The following GALNT2 variants were observed in gnomAD, a reference collection of about 807,000 sequenced individuals.
GALNT2 encodes the protein polypeptide N-acetylgalactosaminyltransferase 2.
Under a neutral mutation model 81.4 loss-of-function variants are expected in GALNT2, and 31 were observed. That is an observed-to-expected ratio of 0.38 (90% CI 0.29 to 0.51). The LOEUF (loss-of-function observed/expected upper bound fraction) is 0.51, where lower values mean the gene tolerates loss of function less well. Among genes scored for constraint, GALNT2 ranks in the 20% least tolerant of loss-of-function variants. The probability of loss-of-function intolerance (pLI) is 0.87; values close to 1 mark genes in which losing one functional copy is unlikely to be tolerated. For synonymous variants in GALNT2, 303 were observed against 287.4 expected (o/e 1.05, Z -0.55); for missense variants, 629 against 765.7 (o/e 0.82, Z 2.11).
At chr1:230,195,445 A>G (rs116584910) in intron 2 of GALNT2, among the ~76,000 whole-genome samples, 262 of 152,176 alleles carry the variant, frequency 1.7e-3, no homozygotes, top group African/African-American at 6.1e-3. Flanking sequence ...GAGAGGAGAA[A>G]GAAAAGAGAG....
intron 2 of GALNT2, among the ~76,000 whole-genome samples, chr1:230,192,160 G>A (rs562366499): frequency 4.6e-5 from 7 of 152,224 alleles, no homozygotes; most frequent in South Asian, 4.1e-4. Flanking sequence ...TTGGTGTTTC[G>A]CTTCAATTTT....
rs1464163113 is a variant in GALNT2 at position 230,239,370 on chromosome 1, C to T, written c.607+2645C>T. 2.0e-5 allele frequency among the ~76,000 whole-genome samples: 3 copies of T among 152,322 alleles called. No individual in the cohort carries two copies. In the East Asian group the frequency reaches 5.8e-4, roughly 29 times the overall value. On this transcript the variant is annotated intron_variant, in intron 6 of 15. Transcript: ENST00000366672. ...AAGGTGAAGCCCCACAATAGGCCAT[C>T]TGCAGCCGAGGAGCAGGGAAGCCAG...
At chr1:230,106,410 G>A (rs1018966342) in intron 1 of GALNT2, among the ~76,000 whole-genome samples, 3 of 152,192 alleles carry the variant, frequency 2.0e-5, no homozygotes, top group Admixed American at 6.5e-5. Context: ...TCTGAGTTCC[G>A]GCAGTGTGCT....
chr1:230,272,598 A>C (rs1043523004), intron 14 of GALNT2, among the ~76,000 whole-genome samples: 17 of 152,070 alleles, frequency 1.1e-4, no homozygotes, highest in African/African-American at 3.1e-4. Context: ...TTAGGGGAGG[A>C]GGAAGTCTTC....
In GALNT2 at chr1:230,067,292, C is replaced by A. The variant is rs370099426; in HGVS notation, c.12C>A (p.Arg4=). 59 of 1,360,114 alleles carry A rather than the reference C, an allele frequency of 4.3e-5. No homozygotes were observed. The African/African-American group carries it at 8.6e-4, about 20-fold the overall frequency. The allele number at this position is 1,360,114 out of a possible 1,614,324, so 84.3% of individuals were successfully genotyped here. Reference sequence around the variant, plus strand: ...GCCGAGTTGGGAGAATGCGGCGGCGCTCGCGGATGCTGCTCTGCTTCGCCT... The same window carrying A: ...GCCGAGTTGGGAGAATGCGGCGGCGATCGCGGATGCTGCTCTGCTTCGCCT... The part of the protein sequence containing the change: MRR[R]SRMLLCFAFL... Residue 4 remains arginine, a synonymous_variant, in exon 1 of 16, where the codon CGC becomes CGA. Transcript: ENST00000366672.
chr1:230,225,458 G>A (rs1156873065), intron 3 of GALNT2, among the ~76,000 whole-genome samples: 2 of 152,152 alleles, frequency 1.3e-5, no homozygotes, highest in East Asian at 3.9e-4. Context: ...GCCTTGTGGT[G>A]GATCCAGTCT....
intron 1 of GALNT2, among the ~76,000 whole-genome samples, chr1:230,127,052 A>G (rs1013449512): frequency 1.3e-5 from 2 of 152,108 alleles, no homozygotes; most frequent in African/African-American, 4.8e-5. Context: ...GATAGATGTT[A>G]ATATTTTGCA....
At chr1:230,105,571 G>C (rs756629607) in intron 1 of GALNT2, among the ~76,000 whole-genome samples, 7 of 152,166 alleles carry the variant, frequency 4.6e-5, no homozygotes, top group Non-Finnish European at 8.8e-5. Flanking sequence ...TCTTGTGTAA[G>C]CTCCTGTGGG....
chr1:230,203,217 C>T lies in GALNT2; in HGVS notation c.301C>T (p.Arg101Cys). The T allele has an allele frequency of 1.9e-6, 3 of 1,614,156 alleles. No homozygotes were observed. The highest frequency in any genetic ancestry group is 2.2e-5 in the East Asian group (1 of 44,884). ...MVRSGQDPYA[R>C]NKFNQVESDK... ...CCGCTCCGGGCAGGACCCTTACGCCCGCAACAAGTTCAACCAGGTGGAGAG... is the reference window on the plus strand; with the variant it reads ...CCGCTCCGGGCAGGACCCTTACGCCTGCAACAAGTTCAACCAGGTGGAGAG... Residue 101 changes from arginine to cysteine, a missense_variant, in exon 3 of 16, where the codon CGC becomes TGC. By Grantham distance (180) the Arg-to-Cys change is radical. Coordinates refer to ENST00000366672, the MANE Select transcript of GALNT2 (RefSeq NM_004481.5).
chr1:230,085,966 G>GT (rs1659886357), intron 1 of GALNT2, among the ~76,000 whole-genome samples: 1 of 152,192 alleles, frequency 6.6e-6, no homozygotes, highest in Admixed American at 6.5e-5. Context: ...TGGGCTCACC[G>GT]TATGTCCACA....
At chr1:230,145,860 C>T (rs535750619) in intron 1 of GALNT2, among the ~76,000 whole-genome samples, 5 of 152,228 alleles carry the variant, frequency 3.3e-5, no homozygotes, top group Non-Finnish European at 7.3e-5. Context: ...AGCATTTCGG[C>T]TTGCTTGCCT....
At chr1:230,088,982 G>A (rs373209169) in intron 1 of GALNT2, among the ~76,000 whole-genome samples, 5 of 152,024 alleles carry the variant, frequency 3.3e-5, no homozygotes, top group Non-Finnish European at 5.9e-5. Flanking sequence ...TAGATATTTC[G>A]TATAAATTGA....
chr1:230,249,317 A>G, intron 9 of GALNT2, 46 bp downstream of exon 9: 6 of 1,563,106 alleles, frequency 3.8e-6, no homozygotes, highest in Non-Finnish European at 5.3e-6. Flanking sequence ...ATGAGACCCC[A>G]GGTTCCAGCT....
chr1:230,207,728 G>A (rs1200137054), intron 3 of GALNT2, among the ~76,000 whole-genome samples: 4 of 151,958 alleles, frequency 2.6e-5, no homozygotes, highest in South Asian at 2.1e-4. Flanking sequence ...AGCTGGGACC[G>A]TGGGTGCGCA....
chr1:230,115,449 A>G (rs1210288603), intron 1 of GALNT2, among the ~76,000 whole-genome samples: 2 of 152,204 alleles, frequency 1.3e-5, no homozygotes, highest in African/African-American at 2.4e-5. Context: ...TTATGTTTAC[A>G]CTGTATTGCC....
intron 1 of GALNT2, among the ~76,000 whole-genome samples, chr1:230,126,708 A>G (rs1447267625): frequency 4.6e-5 from 7 of 152,172 alleles, no homozygotes; most frequent in Non-Finnish European, 7.4e-5. Context: ...GACAAAATCT[A>G]AAGTTGTACA....
chr1:230,220,960 G>A (rs1046744901), intron 3 of GALNT2, among the ~76,000 whole-genome samples: 36 of 152,216 alleles, frequency 2.4e-4, no homozygotes, highest in African/African-American at 7.7e-4. Flanking sequence ...TAAATACACC[G>A]AATTACTCAA....
chr1:230,117,850 A>G (rs1660891281), intron 1 of GALNT2, among the ~76,000 whole-genome samples: 1 of 152,210 alleles, frequency 6.6e-6, no homozygotes, highest in Non-Finnish European at 1.5e-5. Context: ...GTTGCCACAG[A>G]CCTTCAGTTT....
chr1:230,190,096 G>A (rs1288453347), intron 2 of GALNT2, among the ~76,000 whole-genome samples: 1 of 152,258 alleles, frequency 6.6e-6, no homozygotes, highest in Non-Finnish European at 1.5e-5. Context: ...GATCTGCACA[G>A]TGTTGTCATA....
Sources: allele counts gnomAD v4.1 joint callset (sites outside exome capture counted in the v4.1 genomes callset), GRCh38; gene constraint gnomAD v4.1.1; transcripts MANE v1.5; gene names NCBI Gene and HGNC (gene_info 2026-07-23, HGNC 2026-07-21).